The following DCC variants were observed in gnomAD, a reference collection of about 807,000 sequenced individuals.
DCC encodes netrin receptor DCC.
In DCC, 58 loss-of-function variants were observed where a neutral mutation model predicts 172.5. The observed-to-expected ratio is 0.34, with a 90% CI of 0.27 to 0.42. The LOEUF is 0.42. Ranked by LOEUF, DCC falls within the 10% of genes least tolerant of loss-of-function variation. The probability of loss-of-function intolerance (pLI) is 1.00; values close to 1 mark genes in which losing one functional copy is unlikely to be tolerated. For synonymous variants in DCC, 709 were observed against 644.5 expected (o/e 1.10, Z -1.52); for missense variants, 1,740 against 1,791.0 (o/e 0.97, Z 0.51).
intron 16 of DCC, among the ~76,000 whole-genome samples, chr18:53,391,206 A>G (rs927789666): frequency 6.6e-6 from 1 of 152,232 alleles, no homozygotes; most frequent in Non-Finnish European, 1.5e-5. Context: ...GGAGGAGAAA[A>G]TAAACAAAAA....
chr18:52,833,570 G>C (rs1046372558), intron 2 of DCC, among the ~76,000 whole-genome samples: 2 of 152,176 alleles, frequency 1.3e-5, no homozygotes, highest in Admixed American at 1.3e-4. Flanking sequence ...ATCTAAAGTA[G>C]AAACTGCTAG....
intron 7 of DCC, among the ~76,000 whole-genome samples, chr18:53,142,558 T>C (rs1289436761): frequency 6.6e-6 from 1 of 152,198 alleles, no homozygotes; most frequent in Non-Finnish European, 1.5e-5. Flanking sequence ...CGCTGATCTT[T>C]AACTATAATT....
At chr18:52,774,085 G>A (rs1244288162) in intron 2 of DCC, among the ~76,000 whole-genome samples, 1 of 152,222 alleles carries the variant, frequency 6.6e-6, no homozygotes, top group African/African-American at 2.4e-5. Context: ...GAATGATTAG[G>A]TAAACTGTGG....
intron 1 of DCC, among the ~76,000 whole-genome samples, chr18:52,401,532 C>T (rs965055179): frequency 8.9e-4 from 135 of 152,078 alleles, no homozygotes; most frequent in African/African-American, 3.1e-3. Flanking sequence ...AAATTACTGA[C>T]TTAATTGACT....
chr18:52,679,753 A>C (rs1322266689), intron 1 of DCC, among the ~76,000 whole-genome samples: 1 of 152,120 alleles, frequency 6.6e-6, no homozygotes, highest in Non-Finnish European at 1.5e-5. Context: ...TATTACCACA[A>C]AATTGTGTAG....
intron 3 of DCC, among the ~76,000 whole-genome samples, chr18:52,922,249 TTA>T (rs763971885): frequency 6.6e-6 from 1 of 152,150 alleles, no homozygotes; most frequent in East Asian, 1.9e-4. Flanking sequence ...GTGTGAAATT[TTA>T]TTTCTCCACG....
intron 13 of DCC, among the ~76,000 whole-genome samples, chr18:53,309,922 G>GTATATATA (rs5825006): frequency 8.9e-4 from 110 of 123,506 alleles, no homozygotes; most frequent in African/African-American, 3.6e-3. Context: ...ATATGTGCGT[G>GTATATATA]TATATATATA....
At chr18:52,415,349 A>G (rs1986985162) in intron 1 of DCC, among the ~76,000 whole-genome samples, 1 of 152,196 alleles carries the variant, frequency 6.6e-6, no homozygotes, top group South Asian at 2.1e-4. Context: ...GAAAGCATCC[A>G]TCTCCTGTGA....
intron 1 of DCC, among the ~76,000 whole-genome samples, chr18:52,520,169 C>A (rs912475423): frequency 2.0e-5 from 3 of 152,168 alleles, no homozygotes; most frequent in African/African-American, 7.2e-5. Flanking sequence ...AAAACATGAG[C>A]CCCCAGTGCT....
intron 2 of DCC, among the ~76,000 whole-genome samples, chr18:52,847,751 A>C (rs918632992): frequency 6.6e-6 from 1 of 152,148 alleles, no homozygotes; most frequent in South Asian, 2.1e-4. Flanking sequence ...TATTACTCCA[A>C]CTACAAAACA....
chr18:52,404,453 G>A (rs1008139525), intron 1 of DCC, among the ~76,000 whole-genome samples: 6 of 149,552 alleles, frequency 4.0e-5, no homozygotes, highest in Non-Finnish European at 7.4e-5. Context: ...GCTGCATAGT[G>A]AACACTTCTG....
chr18:53,304,208 A>AC (rs1213574687), intron 12 of DCC, among the ~76,000 whole-genome samples: 2 of 152,080 alleles, frequency 1.3e-5, no homozygotes, highest in African/African-American at 2.4e-5. Context: ...GGGTGTGAAA[A>AC]CAGGAATGAC....
At chr18:53,144,216 A>C (rs1458657620) in intron 7 of DCC, among the ~76,000 whole-genome samples, 1 of 152,106 alleles carries the variant, frequency 6.6e-6, no homozygotes, top group Non-Finnish European at 1.5e-5. Context: ...ATGTTTCCTC[A>C]TGTAGAAGTT....
chr18:52,620,525 C>T (rs906311664), intron 1 of DCC, among the ~76,000 whole-genome samples: 48 of 152,322 alleles, frequency 3.2e-4, no homozygotes, highest in African/African-American at 1.1e-3. Context: ...TAGAAGAGAA[C>T]TGGCACAATT....
intron 12 of DCC, among the ~76,000 whole-genome samples, chr18:53,231,958 CT>C (rs2056127965): frequency 6.6e-6 from 1 of 152,080 alleles, no homozygotes; most frequent in Non-Finnish European, 1.5e-5. Context: ...CATCTTCAAG[CT>C]CATGCTTGAA....
At chr18:53,074,264 C>T in intron 7 of DCC, among the ~76,000 whole-genome samples, 1 of 152,142 alleles carries the variant, frequency 6.6e-6, no homozygotes, top group South Asian at 2.1e-4. Context: ...ATGTGCCATA[C>T]TACAATGTTA....
intron 5 of DCC, among the ~76,000 whole-genome samples, chr18:52,970,146 C>A (rs1327242058): frequency 6.6e-6 from 1 of 151,934 alleles, no homozygotes; most frequent in South Asian, 2.1e-4. Flanking sequence ...ATTTACATAC[C>A]TACTTAAATA....
intron 1 of DCC, among the ~76,000 whole-genome samples, chr18:52,626,280 C>T (rs1378654516): frequency 3.3e-5 from 5 of 152,170 alleles, no homozygotes; most frequent in Non-Finnish European, 5.9e-5. Context: ...AAAACTTTTG[C>T]TTCCTCCTTG....
chr18:53,189,047 C>T (rs17487130), intron 9 of DCC, among the ~76,000 whole-genome samples: 44,663 of 151,936 alleles, frequency 0.29, 8,005 homozygotes, highest in Non-Finnish European at 0.41. Flanking sequence ...CTATTCAACC[C>T]GATATACTGC....
Sources: gnomAD v4.1 joint callset for allele counts (sites outside exome capture counted in the v4.1 genomes callset) on GRCh38, gnomAD v4.1.1 for gene constraint, MANE v1.5 for transcripts, NCBI Gene and HGNC (gene_info 2026-07-23, HGNC 2026-07-21) for gene names.